LRP1B: variants seen among roughly 807,000 people sequenced by gnomAD.
The protein encoded by LRP1B is LDL receptor related protein 1B, also known as low-density lipoprotein receptor-related protein 1B.
LRP1B carries 217 observed loss-of-function variants against 556.6 expected under a neutral mutation model. That is an observed-to-expected ratio of 0.39 (90% CI 0.35 to 0.44). The LOEUF is 0.44. Ranked by LOEUF, LRP1B falls within the 20% of genes least tolerant of loss-of-function variation. The pLI is 1.00. For missense variants in LRP1B, 5,053 were observed against 5,620.8 expected, an observed-to-expected ratio of 0.90 and a Z score of 3.23; for synonymous variants, 2,047 against 1,865.8, an observed-to-expected ratio of 1.10 and a Z score of -2.50.
At chr2:141,569,403 A>G (rs75537231) in intron 2 of LRP1B, among the ~76,000 whole-genome samples, 1,710 of 151,288 alleles carry the variant, frequency 0.011, 90 homozygotes, top group Middle Eastern at 0.017. Flanking sequence ...GTAGATTATC[A>G]TGAACATTTG....
rs373983727 is a variant in LRP1B at position 140,841,013 on chromosome 2, C to T, written c.5019G>A (p.Thr1673=). The T allele has an allele frequency of 1.4e-5, 23 of 1,612,792 alleles. No individual in the cohort carries two copies. The highest frequency in any genetic ancestry group is 7.7e-5 in the South Asian group (7 of 91,020). The stretch of plus-strand genomic sequence containing the variant: ...CATCTAGCCTTGCCACATTAATTTG[C>T]GTTTCATCAAATTCTGAGCTAATCC... The part of the protein sequence containing the change: ...LYWISSEFDE[T]QINVARLDGS... The change falls in exon 30 of 91, where the codon ACG becomes ACA. Residue 1673 remains threonine (T), a synonymous_variant. Coordinates refer to ENST00000389484, the MANE Select transcript of LRP1B (RefSeq NM_018557.3).
intron 2 of LRP1B, among the ~76,000 whole-genome samples, chr2:141,801,047 GC>G (rs1357919023): frequency 6.6e-6 from 1 of 152,036 alleles, no homozygotes; most frequent in Non-Finnish European, 1.5e-5. Flanking sequence ...TTCTGCAAAA[GC>G]CCTTGTGGAG....
At chr2:141,922,201 A>G (rs1218700802) in intron 1 of LRP1B, among the ~76,000 whole-genome samples, 1 of 152,220 alleles carries the variant, frequency 6.6e-6, no homozygotes, top group African/African-American at 2.4e-5. Context: ...TGTTTTTCAC[A>G]GATTTATTAT....
At chr2:141,791,391 A>T (rs1695605388) in intron 2 of LRP1B, among the ~76,000 whole-genome samples, 1 of 152,038 alleles carries the variant, frequency 6.6e-6, no homozygotes, top group Admixed American at 6.6e-5. Flanking sequence ...ACACACACAC[A>T]ACCTGGGAAT....
chr2:140,597,725 T>C (rs1195502353), intron 43 of LRP1B, among the ~76,000 whole-genome samples: 2 of 152,238 alleles, frequency 1.3e-5, no homozygotes, highest in Admixed American at 1.3e-4. Flanking sequence ...AATAAAACTT[T>C]ATTTGAATAC....
intron 41 of LRP1B, among the ~76,000 whole-genome samples, chr2:140,658,662 T>A (rs931744954): frequency 2.6e-5 from 4 of 152,048 alleles, no homozygotes; most frequent in African/African-American, 4.8e-5. Context: ...TAGGATCAAA[T>A]GTTTTTAACG....
chr2:140,946,678 A>G (rs1260001516), intron 20 of LRP1B, among the ~76,000 whole-genome samples: 1 of 152,182 alleles, frequency 6.6e-6, no homozygotes, highest in Non-Finnish European at 1.5e-5. Flanking sequence ...ATTACTCGGT[A>G]TATACCAAAA....
intron 59 of LRP1B, among the ~76,000 whole-genome samples, chr2:140,477,029 C>A (rs970357623): frequency 6.6e-6 from 1 of 151,946 alleles, no homozygotes; most frequent in African/African-American, 2.4e-5. Flanking sequence ...AAAGTGAATA[C>A]GTCAGTGAAA....
chr2:141,659,511 A>C (rs1331915987), intron 2 of LRP1B, among the ~76,000 whole-genome samples: 2 of 151,856 alleles, frequency 1.3e-5, no homozygotes, highest in East Asian at 3.9e-4. Context: ...GGAAACAATC[A>C]ACAATGACTT....
chr2:140,310,796 C>T (rs1473531462), intron 83 of LRP1B, among the ~76,000 whole-genome samples: 2 of 151,724 alleles, frequency 1.3e-5, no homozygotes, highest in East Asian at 1.9e-4. Flanking sequence ...ATAAAAAATG[C>T]TAGAAGAAAA....
At chr2:140,944,956 T>C (rs1009891072) in intron 20 of LRP1B, among the ~76,000 whole-genome samples, 1 of 152,056 alleles carries the variant, frequency 6.6e-6, no homozygotes, top group Non-Finnish European at 1.5e-5. Flanking sequence ...AAATAGGAAA[T>C]GAAACAGTCA....
chr2:140,630,851 T>C (rs1217377222), intron 41 of LRP1B, among the ~76,000 whole-genome samples: 1 of 151,974 alleles, frequency 6.6e-6, no homozygotes, highest in Non-Finnish European at 1.5e-5. Context: ...ACCTAAGGAG[T>C]TGGGAAGCTG....
chr2:140,409,098 T>C (rs1252812083), intron 66 of LRP1B, among the ~76,000 whole-genome samples: 7 of 151,940 alleles, frequency 4.6e-5, no homozygotes, highest in Non-Finnish European at 1.0e-4. Context: ...AAAATGGAGA[T>C]TTGAAGGATT....
At chr2:141,263,376 A>G (rs1573727482) in intron 3 of LRP1B, among the ~76,000 whole-genome samples, 2 of 152,124 alleles carry the variant, frequency 1.3e-5, no homozygotes, top group East Asian at 1.9e-4. Flanking sequence ...AAAGAAAACT[A>G]TGAACAACTC....
chr2:141,196,777 C>G (rs1351391727), intron 6 of LRP1B, among the ~76,000 whole-genome samples: 1 of 152,206 alleles, frequency 6.6e-6, no homozygotes, highest in South Asian at 2.1e-4. Flanking sequence ...TCTTCCTGTT[C>G]CAAACTGCAA....
intron 1 of LRP1B, among the ~76,000 whole-genome samples, chr2:141,953,871 C>T (rs1558983823): frequency 1.3e-5 from 2 of 152,088 alleles, no homozygotes; most frequent in African/African-American, 4.8e-5. Context: ...TTGTAAAACA[C>T]TGTGGTAATT....
In LRP1B at chr2:141,789,383, C is replaced by T. The variant is rs6723600; in HGVS notation, c.205+20896G>A. The stretch of plus-strand genomic sequence containing the variant: ...ATAAAAATAATACTATCAACCACAA[C>T]GCCAACAGCAAAAACAGCCCACATA... On this transcript the variant is annotated intron_variant, in intron 2 of 90. Transcript: ENST00000389484. Among the ~76,000 whole-genome samples the T allele has an allele frequency of 7.7e-3, 1,166 of 151,986 alleles. 14 individuals are homozygous for T. Among genetic ancestry groups the T allele is most frequent in the African/African-American group, 0.026 (1,080 of 41,466 alleles).
chr2:141,322,371 CT>C (rs980735875), intron 3 of LRP1B, among the ~76,000 whole-genome samples: 24 of 152,194 alleles, frequency 1.6e-4, no homozygotes, highest in Middle Eastern at 6.8e-3. Flanking sequence ...AAATCTCTAC[CT>C]GATACCGGGG....
chr2:140,922,620 T>C (rs1694770138), intron 21 of LRP1B, among the ~76,000 whole-genome samples: 1 of 152,034 alleles, frequency 6.6e-6, no homozygotes, highest in African/African-American at 2.4e-5. Context: ...CCAGATTCTG[T>C]ATTCCAGATT....
Sources: gnomAD v4.1 joint callset for allele counts (sites outside exome capture counted in the v4.1 genomes callset) on GRCh38, gnomAD v4.1.1 for gene constraint, MANE v1.5 for transcripts, NCBI Gene and HGNC (gene_info 2026-07-23, HGNC 2026-07-21) for gene names.